Variants in ANO3 observed in about 807,000 individuals in gnomAD.
The protein encoded by ANO3 is anoctamin-3.
Under a neutral mutation model 144.8 loss-of-function variants are expected in ANO3, and 99 were observed. That is an observed-to-expected ratio of 0.68 (90% CI 0.58 to 0.81). ANO3 has a LOEUF of 0.81. Among genes scored for constraint, ANO3 ranks in the 30% least tolerant of loss-of-function variants. The pLI is 0.00. For synonymous variants in ANO3, 414 were observed against 392.6 expected, an observed-to-expected ratio of 1.05 and a Z score of -0.64; for missense variants, 905 against 1,202.2, an observed-to-expected ratio of 0.75 and a Z score of 3.66.
chr11:26,280,344 G>A (rs1260897306), intron 1 of ANO3, among the ~76,000 whole-genome samples: 3 of 152,132 alleles, frequency 2.0e-5, no homozygotes, highest in African/African-American at 7.2e-5. Context: ...AGATGTATAT[G>A]TAAAGGGGAG....
At chr11:26,395,061 C>T (rs985674427) in intron 1 of ANO3, among the ~76,000 whole-genome samples, 4 of 152,060 alleles carry the variant, frequency 2.6e-5, no homozygotes, top group Non-Finnish European at 4.4e-5. Context: ...AATCTGCAAT[C>T]TTAAATAAAC....
intron 1 of ANO3, among the ~76,000 whole-genome samples, chr11:26,387,140 T>C (rs1002634162): frequency 0.073 from 10,795 of 148,520 alleles, 740 homozygotes; most frequent in African/African-American, 0.18. Flanking sequence ...ATTTTTTTTT[T>C]TTTTTTTTTT....
chr11:26,634,772 G>T (rs146506404), intron 19 of ANO3, among the ~76,000 whole-genome samples: 2 of 152,166 alleles, frequency 1.3e-5, no homozygotes, highest in Non-Finnish European at 2.9e-5. Context: ...GACTCTCTAT[G>T]TGAGGGTCGG....
chr11:26,341,464 G>T (rs1855357050), intron 1 of ANO3, among the ~76,000 whole-genome samples: 1 of 152,142 alleles, frequency 6.6e-6, no homozygotes, highest in African/African-American at 2.4e-5. Context: ...AGAAATAAGT[G>T]CTGTTATTTA....
chr11:26,566,560 C>T (rs1348988663), intron 14 of ANO3, among the ~76,000 whole-genome samples: 1 of 151,640 alleles, frequency 6.6e-6, no homozygotes, highest in African/African-American at 2.4e-5. Flanking sequence ...CTACTTAATC[C>T]CAAACTGGGG....
chr11:26,282,504 G>A (rs939387623), intron 1 of ANO3, among the ~76,000 whole-genome samples: 6 of 151,556 alleles, frequency 4.0e-5, no homozygotes, highest in African/African-American at 4.8e-5. Flanking sequence ...ACTTCTTCTC[G>A]GCTTTGGAAA....
At chr11:26,326,990 T>C (rs561684125) in intron 1 of ANO3, among the ~76,000 whole-genome samples, 209 of 152,292 alleles carry the variant, frequency 1.4e-3, no homozygotes, top group African/African-American at 4.9e-3. Context: ...GCAAGATGAG[T>C]CTTTATGAAA....
chr11:26,592,404 T>G (rs293998), intron 14 of ANO3, among the ~76,000 whole-genome samples: 4 of 151,560 alleles, frequency 2.6e-5, no homozygotes, highest in African/African-American at 7.3e-5. Flanking sequence ...TTGAAAGCGG[T>G]GCCATTGACA....
At chr11:26,468,525 A>G (rs7122814) in intron 4 of ANO3, among the ~76,000 whole-genome samples, 135,040 of 151,968 alleles carry the variant, frequency 0.89, 60,623 homozygotes, top group South Asian at 0.97. Context: ...TATCTCAATG[A>G]GTATTAGAAA....
At chr11:26,440,233 T>G (rs1858463924) in intron 1 of ANO3, among the ~76,000 whole-genome samples, 2 of 152,154 alleles carry the variant, frequency 1.3e-5, no homozygotes, top group South Asian at 4.1e-4. Context: ...GTTTTCACAT[T>G]GATAAGGTAT....
intron 1 of ANO3, among the ~76,000 whole-genome samples, chr11:26,344,493 G>A (rs1017099929): frequency 1.3e-5 from 2 of 151,512 alleles, no homozygotes; most frequent in African/African-American, 4.9e-5. Context: ...AGCCTCCCGA[G>A]TAGCTGGGAC....
intron 14 of ANO3, chr11:26,572,227 A>C (rs562382081): frequency 1.0e-6 from 1 of 985,382 alleles, no homozygotes; most frequent in African/African-American, 1.7e-5. Context: ...CAGAGCGCCC[A>C]GGAACCTGAC....
intron 14 of ANO3, among the ~76,000 whole-genome samples, chr11:26,576,538 G>T (rs924191055): frequency 6.6e-6 from 1 of 152,138 alleles, no homozygotes; most frequent in African/African-American, 2.4e-5. Context: ...CATGAAAAAT[G>T]AATGAGTAAA....
In ANO3 at chr11:26,658,582, C is replaced by A. The variant is rs113297217; in HGVS notation, c.2764-1680C>A. ...CTGAGATCACACCATTGCACTGTAG[C>A]CTGGGCAACAAGAGTGAAACTCCGT... On this transcript the variant is annotated intron_variant, in intron 26 of 26. Coordinates refer to ENST00000256737, the MANE Select transcript of ANO3 (RefSeq NM_031418.4). Among the ~76,000 whole-genome samples the A allele has an allele frequency of 3.1e-3, 473 of 152,156 alleles. 3 individuals carry two copies. Among genetic ancestry groups the A allele is most frequent in the African/African-American group, 0.011 (456 of 41,516 alleles).
rs79960060 is a variant in ANO3 at position 26,207,008 on chromosome 11, CAGTT to C, written c.154+17681_154+17684del. 1.2e-3 allele frequency among the ~76,000 whole-genome samples: 178 copies of C among 152,012 alleles called. 2 individuals are homozygous for C. In the East Asian group the frequency reaches 0.026, roughly 22 times the overall value. On this transcript the variant is annotated intron_variant, in intron 1 of 27. Transcript: ENST00000672621. ...TATCATTTGTATGAGGGATCTAAAACAGTTAGAGCAGGGTGGTGGTTTCCAAGAT... is the reference window on the plus strand; with the variant it reads ...TATCATTTGTATGAGGGATCTAAAACAGAGCAGGGTGGTGGTTTCCAAGAT...
intron 1 of ANO3, among the ~76,000 whole-genome samples, chr11:26,406,724 TGG>T (rs1305067626): frequency 1.5e-3 from 197 of 134,886 alleles, no homozygotes; most frequent in Non-Finnish European, 2.2e-3. Context: ...TGTGTGTGTG[TGG>T]ATTGGTGGCA....
rs2133109971 is a variant in ANO3 at position 26,661,920 on chromosome 11, T to C, written c.*1476T>C. On this transcript the variant is annotated 3_prime_UTR_variant, in exon 27 of 27. Coordinates refer to ENST00000256737, the MANE Select transcript of ANO3 (RefSeq NM_031418.4). ...TTGCAAAACAAGGAAATCACACATA[T>C]GCACACATACATATTTATGGTTACT... 1 of 152,152 alleles carries C rather than the reference T, an allele frequency of 6.6e-6. No individual in the cohort carries two copies. The highest frequency in any genetic ancestry group is 6.6e-5 in the Admixed American group (1 of 15,242). The allele number at this position is 152,152 out of a possible 1,614,324, so 9.4% of individuals were successfully genotyped here. A position where few individuals can be genotyped will look rare whatever the true frequency, so the allele number is the denominator to read the frequency against.
chr11:26,504,342 T>C (rs1861327564), intron 4 of ANO3, among the ~76,000 whole-genome samples: 1 of 152,122 alleles, frequency 6.6e-6, no homozygotes, highest in Non-Finnish European at 1.5e-5. Context: ...TCTCTTCCTT[T>C]CTTCCTTCTC....
intron 18 of ANO3, among the ~76,000 whole-genome samples, chr11:26,625,771 C>T (rs10767563): frequency 0.91 from 139,009 of 152,174 alleles, 63,659 homozygotes; most frequent in Middle Eastern, 0.94. Flanking sequence ...TTTTCTAGGC[C>T]TGTAGCCAAC....
Sources: allele counts gnomAD v4.1 joint callset (sites outside exome capture counted in the v4.1 genomes callset), GRCh38; gene constraint gnomAD v4.1.1; transcripts MANE v1.5; gene names NCBI Gene and HGNC (gene_info 2026-07-23, HGNC 2026-07-21).